Variants in CXXC5 observed in about 807,000 individuals in gnomAD.
CXXC5 encodes the protein CXXC finger protein 5, also known as CXXC-type zinc finger protein 5.
Under a neutral mutation model 17.6 loss-of-function variants are expected in CXXC5, and 2 were observed. The ratio of observed to expected loss-of-function variants is 0.11; its 90% CI spans 0.05 to 0.36. The LOEUF is 0.36. CXXC5 is among the 10% of genes least tolerant of loss of function. The pLI, the probability that CXXC5 is intolerant of heterozygous loss-of-function variation, is 1.00. For synonymous variants in CXXC5, 171 were observed against 193.0 expected, an observed-to-expected ratio of 0.89 and a Z score of 0.94; for missense variants, 343 against 458.3, an observed-to-expected ratio of 0.75 and a Z score of 2.30.
rs1581575662 is a variant in CXXC5, at chr5:139,658,607, T to TGCCC, written c.-161+9773_-161+9776dup. On this transcript the variant is annotated intron_variant, in intron 1 of 2. Coordinates refer to ENST00000302517, the MANE Select transcript of CXXC5 (RefSeq NM_016463.9). The surrounding 1 kb of genome is among the most constrained non-coding windows in gnomAD (Gnocchi z 4.1). ...GGCACAGGAGGGGTCCTCTTGGCGG[T>TGCCC]GCCCGCCCGCCCGCTGCCCACGCTT... Among the ~76,000 whole-genome samples, 1 of 152,088 alleles carries TGCCC rather than the reference T, an allele frequency of 6.6e-6. No individual in the cohort carries two copies. Among genetic ancestry groups the TGCCC allele is most frequent in the Non-Finnish European group, 1.5e-5 (1 of 67,994 alleles).
At chr5:139,654,164 A>G (rs1755365258) in intron 1 of CXXC5, among the ~76,000 whole-genome samples, 1 of 150,830 alleles carries the variant, frequency 6.6e-6, no homozygotes, top group Non-Finnish European at 1.5e-5. Flanking sequence ...CATCTCCCCA[A>G]CCCCCCACGG....
intron 1 of CXXC5, among the ~76,000 whole-genome samples, chr5:139,660,383 G>A (rs891558218): frequency 2.6e-5 from 4 of 152,222 alleles, no homozygotes; most frequent in Non-Finnish European, 4.4e-5. Context: ...GCCAGGATCC[G>A]GCCAGGGCAG....
chr5:139,655,641 T>C (rs960409868), intron 1 of CXXC5, among the ~76,000 whole-genome samples: 7 of 151,562 alleles, frequency 4.6e-5, no homozygotes, highest in African/African-American at 1.7e-4. Context: ...TCCCTGCCCT[T>C]TTCCTCCATT....
chr5:139,660,720 G>T (rs1169100278), intron 1 of CXXC5, among the ~76,000 whole-genome samples: 1 of 151,200 alleles, frequency 6.6e-6, no homozygotes, highest in East Asian at 2.0e-4. Context: ...TGGTGAACAT[G>T]GGGGGGTTTG....
rs1015545726 is a variant in CXXC5, at chr5:139,659,952, G to A, written c.-161+11107G>A. On this transcript the variant is annotated intron_variant, in intron 1 of 2. Transcript: ENST00000302517. ...CAGGCTCAGAACAGCGGGTGCCCGC[G>A]CAGCCAAGTATTTGCTCGAGCTGTC... 8.5e-5 allele frequency among the ~76,000 whole-genome samples: 13 copies of A among 152,332 alleles called. No individual in the cohort carries two copies. In the South Asian group the frequency reaches 1.0e-3, roughly 12 times the overall value.
At chr5:139,677,864 G>A (rs956873717) in intron 1 of CXXC5, among the ~76,000 whole-genome samples, 1 of 152,234 alleles carries the variant, frequency 6.6e-6, no homozygotes, top group Non-Finnish European at 1.5e-5. Context: ...AGCGCAGGCC[G>A]GCTGTGTTGG....
At chr5:139,674,166 C>T (rs1017264450) in intron 1 of CXXC5, among the ~76,000 whole-genome samples, 3 of 152,290 alleles carry the variant, frequency 2.0e-5, no homozygotes, top group East Asian at 3.9e-4. Flanking sequence ...CTGCGTTTCT[C>T]CCTGCCTCCA....
Position 139,658,541 on chromosome 5 carries a change from G to A in CXXC5, c.-161+9696G>A, listed in dbSNP as rs566171419. Among the ~76,000 whole-genome samples the A allele has an allele frequency of 1.6e-4, 24 of 152,372 alleles. No homozygotes were observed. The highest frequency in any genetic ancestry group is 5.5e-4 in the African/African-American group (23 of 41,592). Reference sequence around the variant, plus strand: ...CTCTAGCCGGTGTGGAGAGTGGGCTGTGGGCCCAGTCAGGCAGTGGGGGGA... The same window carrying A: ...CTCTAGCCGGTGTGGAGAGTGGGCTATGGGCCCAGTCAGGCAGTGGGGGGA... On this transcript the variant is annotated intron_variant, in intron 1 of 2. Transcript: ENST00000302517. The surrounding 1 kb of genome is among the most constrained non-coding windows in gnomAD (Gnocchi z 4.1).
chr5:139,651,890 A>T (rs1438769373), intron 1 of CXXC5, among the ~76,000 whole-genome samples: 1 of 152,154 alleles, frequency 6.6e-6, no homozygotes, highest in African/African-American at 2.4e-5. Flanking sequence ...CATTGTTATT[A>T]CGTTACTATT....
Position 139,680,346 on chromosome 5 carries a change from T to C in CXXC5, c.-160-18T>C. 2 of 873,500 alleles carry C rather than the reference T, an allele frequency of 2.3e-6. No individual in the cohort carries two copies. The highest frequency in any genetic ancestry group is 3.4e-6 in the Non-Finnish European group (2 of 587,426). The allele number at this position is 873,500 out of a possible 1,614,324, so 54.1% of individuals were successfully genotyped here. On this transcript the variant is annotated intron_variant, in intron 1 of 2. Transcript: ENST00000302517. ...GAGGTGTTCACTGCTGCCCTGACCC[T>C]GTATCCTCTTGTGACAGAGTGAAGA...
rs1025195177 is a variant in CXXC5 at position 139,670,150 on chromosome 5, G to C, written c.-160-10214G>C. ...TCTCGCCTCATTATTTTTGTGTTCC[G>C]GGGCTGCGGCGACACCTCCCTCCCT... On this transcript the variant is annotated intron_variant, in intron 1 of 2. Transcript: ENST00000302517. This position sits in a 1 kb window ranked among gnomAD's most constrained non-coding sequence, Gnocchi z 4.2. Among the ~76,000 whole-genome samples, 1 of 152,134 alleles carries C rather than the reference G, an allele frequency of 6.6e-6. No homozygotes were observed. The highest frequency in any genetic ancestry group is 1.5e-5 in the Non-Finnish European group (1 of 68,018).
chr5:139,663,264 C>G lies in CXXC5; in HGVS notation c.-161+14419C>G, dbSNP rs574421922. ...TCAAGGCTTTCTCTGTCTCCCACCC[C>G]CTATGCTCACACAGCAAGGCTATAT... On this transcript the variant is annotated intron_variant, in intron 1 of 2. Transcript: ENST00000302517. The surrounding 1 kb of genome is among the most constrained non-coding windows in gnomAD (Gnocchi z 4.2). 1.6e-3 allele frequency among the ~76,000 whole-genome samples: 244 copies of G among 152,286 alleles called. 1 individual carries two copies. Among genetic ancestry groups the G allele is most frequent in the African/African-American group, 5.7e-3 (236 of 41,546 alleles).
In CXXC5 at chr5:139,658,729, C is replaced by A. The variant is rs991246028; in HGVS notation, c.-161+9884C>A. ...CCCAGCTCCCCCTCTGACTCATGGC[C>A]GCCTGCAGCTCCCCCTCCCTTGGGG... On this transcript the variant is annotated intron_variant, in intron 1 of 2. Transcript: ENST00000302517. This position sits in a 1 kb window ranked among gnomAD's most constrained non-coding sequence, Gnocchi z 4.1. Among the ~76,000 whole-genome samples, 1 of 152,218 alleles carries A rather than the reference C, an allele frequency of 6.6e-6. No homozygotes were observed. The highest frequency in any genetic ancestry group is 6.5e-5 in the Admixed American group (1 of 15,288).
intron 1 of CXXC5, among the ~76,000 whole-genome samples, chr5:139,652,244 T>G (rs1425511941): frequency 6.6e-6 from 1 of 151,022 alleles, no homozygotes; most frequent in Non-Finnish European, 1.5e-5. Context: ...TATTAATAGT[T>G]AAACTCTCAC....
At chr5:139,651,406 G>T (rs1202932132) in intron 1 of CXXC5, among the ~76,000 whole-genome samples, 1 of 151,266 alleles carries the variant, frequency 6.6e-6, no homozygotes, top group African/African-American at 2.4e-5. Flanking sequence ...GCTGGGGTGG[G>T]TGGGGGAAGG....
intron 1 of CXXC5, among the ~76,000 whole-genome samples, chr5:139,667,217 C>T (rs1338907973): frequency 6.6e-6 from 1 of 152,222 alleles, no homozygotes; most frequent in Non-Finnish European, 1.5e-5. Context: ...CCTGTGTAGG[C>T]TGGTTATGGG....
upstream of CXXC5, chr5:139,647,503 G>C (rs892647608): frequency 6.6e-6 from 1 of 152,326 alleles, no homozygotes; most frequent in Admixed American, 6.5e-5. Flanking sequence ...GGAGGCCACT[G>C]ATGGAGTGAA....
intron 1 of CXXC5, among the ~76,000 whole-genome samples, chr5:139,677,609 T>C (rs1391768073): frequency 1.3e-5 from 2 of 152,238 alleles, no homozygotes; most frequent in African/African-American, 4.8e-5. Context: ...CTTCAACTTC[T>C]GTGGCTGAAA....
At chr5:139,662,444 A>G (rs147673169) in intron 1 of CXXC5, among the ~76,000 whole-genome samples, 1 of 152,168 alleles carries the variant, frequency 6.6e-6, no homozygotes, top group Admixed American at 6.5e-5. Context: ...CTGCCAAAAA[A>G]AAAGCCGTTT....
Sources: gnomAD v4.1 joint callset for allele counts (sites outside exome capture counted in the v4.1 genomes callset) on GRCh38, gnomAD v4.1.1 for gene constraint, Gnocchi (gnomAD v3.1) non-coding constraint, MANE v1.5 for transcripts, NCBI Gene and HGNC (gene_info 2026-07-23, HGNC 2026-07-21) for gene names.